The following TAFA2 variants were observed in gnomAD, a reference collection of about 807,000 sequenced individuals.
TAFA2 encodes the protein chemokine-like protein TAFA-2.
TAFA2 carries 7 observed loss-of-function variants against 18.8 expected under a neutral mutation model. The observed-to-expected ratio is 0.37, with a 90% CI of 0.21 to 0.70. TAFA2 has a LOEUF of 0.70. Among genes scored for constraint, TAFA2 ranks in the 30% least tolerant of loss-of-function variants. The pLI is 0.53. For missense variants in TAFA2, 122 were observed against 158.1 expected (o/e 0.77, Z 1.23); for synonymous variants, 60 against 54.2 (o/e 1.11, Z -0.47).
chr12:62,169,850 C>CAAAAAAA (rs11373929), intron 1 of TAFA2, among the ~76,000 whole-genome samples: 5 of 90,100 alleles, frequency 5.5e-5, no homozygotes, highest in African/African-American at 8.2e-5. Context: ...GACTCCGTCT[C>CAAAAAAA]AAAAAAAAAA....
At chr12:62,118,441 T>C (rs567251438) in intron 1 of TAFA2, among the ~76,000 whole-genome samples, 1 of 152,282 alleles carries the variant, frequency 6.6e-6, no homozygotes, top group Admixed American at 6.5e-5. Context: ...TTAACATCTT[T>C]ACACATATTT....
In TAFA2 at chr12:61,711,840, T is replaced by A. The variant is rs568950272; in HGVS notation, c.385-1423A>T. Reference sequence around the variant, plus strand: ...CCAAGGATGGAGGGTTGGAAACACATGAAGAGCCTACTGAATCTTTGAGAT... The same window carrying A: ...CCAAGGATGGAGGGTTGGAAACACAAGAAGAGCCTACTGAATCTTTGAGAT... On this transcript the variant is annotated intron_variant, in intron 4 of 4. Coordinates refer to ENST00000416284, the MANE Select transcript of TAFA2 (RefSeq NM_178539.5). Among the ~76,000 whole-genome samples the A allele has an allele frequency of 2.0e-5, 3 of 152,140 alleles. No individual in the cohort carries two copies. The South Asian group carries it at 6.2e-4, about 32-fold the overall frequency.
intron 1 of TAFA2, among the ~76,000 whole-genome samples, chr12:62,210,142 C>T (rs2062707624): frequency 6.6e-6 from 1 of 152,016 alleles, no homozygotes; most frequent in South Asian, 2.1e-4. Context: ...GCCGAGATCA[C>T]GCCACTGCTC....
intron 4 of TAFA2, among the ~76,000 whole-genome samples, chr12:61,746,912 C>G (rs980968310): frequency 4.6e-5 from 7 of 152,084 alleles, no homozygotes; most frequent in African/African-American, 1.7e-4. Context: ...AAAGAAACTA[C>G]CATCAGAGTG....
chr12:61,764,462 A>G (rs963005978), intron 2 of TAFA2, among the ~76,000 whole-genome samples: 1 of 152,138 alleles, frequency 6.6e-6, no homozygotes, highest in South Asian at 2.1e-4. Flanking sequence ...CAATGGGAGA[A>G]AGAGTGTTGA....
chr12:61,891,899 G>C (rs1480745256), intron 1 of TAFA2, among the ~76,000 whole-genome samples: 1 of 152,110 alleles, frequency 6.6e-6, no homozygotes, highest in East Asian at 1.9e-4. Flanking sequence ...CCACTGGAAA[G>C]TGAAAGTGGA....
intron 2 of TAFA2, among the ~76,000 whole-genome samples, chr12:61,840,905 TACCTGAA>T (rs1382513222): frequency 1.3e-5 from 2 of 152,112 alleles, no homozygotes; most frequent in East Asian, 3.9e-4. Flanking sequence ...ATTATAGCAG[TACCTGAA>T]ACCAAGGTAA....
At position 62,249,271 on chromosome 12, in the gene TAFA2, CTAAAAAA is replaced by C. The variant is rs1200504783; in HGVS notation, c.-130+9485_-130+9491del. Among the ~76,000 whole-genome samples the C allele has an allele frequency of 1.8e-3, 129 of 72,292 alleles. 2 individuals carry two copies. The highest frequency in any genetic ancestry group is 8.5e-3 in the African/African-American group (120 of 14,152). The allele number at this position is 72,292 out of a possible 152,430, so 47.4% of individuals were successfully genotyped here. Reference sequence around the variant, plus strand: ...AGGGACTGCTCCCTCCTTTTTTTTCCTAAAAAAAAAAAAAAAAAGGAAAAAGACCACT... The same window carrying C: ...AGGGACTGCTCCCTCCTTTTTTTTCCAAAAAAAAAAAGGAAAAAGACCACT... On this transcript the variant is annotated intron_variant, in intron 1 of 5. Coordinates refer to the TAFA2 transcript ENST00000551619.
intron 2 of TAFA2, among the ~76,000 whole-genome samples, chr12:61,824,632 T>A (rs188971550): frequency 6.6e-6 from 1 of 152,314 alleles, no homozygotes; most frequent in Non-Finnish European, 1.5e-5. Flanking sequence ...AATAAAGAAT[T>A]TATGCTAAAA....
At chr12:62,238,669 T>C (rs1435079593) in intron 1 of TAFA2, among the ~76,000 whole-genome samples, 2 of 152,242 alleles carry the variant, frequency 1.3e-5, no homozygotes, top group African/African-American at 4.8e-5. Flanking sequence ...CCACAAGATT[T>C]AGAGCAGAAA....
intron 2 of TAFA2, among the ~76,000 whole-genome samples, chr12:61,796,889 T>A (rs10877746): frequency 0.35 from 53,339 of 151,994 alleles, 9,583 homozygotes; most frequent in Non-Finnish European, 0.39. Flanking sequence ...ACTGACTGTA[T>A]AGTTTAACAT....
intron 2 of TAFA2, among the ~76,000 whole-genome samples, chr12:61,838,596 T>A (rs897301795): frequency 5.8e-4 from 88 of 152,116 alleles, no homozygotes; most frequent in African/African-American, 1.9e-3. Context: ...ATTTGGGATT[T>A]AGCCTAGGAG....
intron 1 of TAFA2, among the ~76,000 whole-genome samples, chr12:62,217,353 A>G (rs2062739905): frequency 6.6e-6 from 1 of 152,244 alleles, no homozygotes; most frequent in Admixed American, 6.5e-5. Context: ...TTCTGGATCA[A>G]ACCACTCCAT....
At chr12:61,807,265 C>T (rs1337699325) in intron 2 of TAFA2, among the ~76,000 whole-genome samples, 5 of 151,366 alleles carry the variant, frequency 3.3e-5, no homozygotes, top group Non-Finnish European at 5.9e-5. Context: ...CAATGTAAAG[C>T]TCAGGCCATG....
At chr12:62,115,753 A>G (rs1427478548) in intron 1 of TAFA2, among the ~76,000 whole-genome samples, 3 of 152,126 alleles carry the variant, frequency 2.0e-5, no homozygotes, top group African/African-American at 4.8e-5. Context: ...CGCAAACTCT[A>G]TTTATCTGCA....
chr12:62,243,075 GTTA>G (rs1458062809), intron 1 of TAFA2, among the ~76,000 whole-genome samples: 5 of 152,224 alleles, frequency 3.3e-5, no homozygotes, highest in East Asian at 1.9e-4. Flanking sequence ...TTTTAAGCCA[GTTA>G]TTTAGATTTT....
At chr12:61,830,882 C>T (rs187173851) in intron 2 of TAFA2, among the ~76,000 whole-genome samples, 24 of 151,854 alleles carry the variant, frequency 1.6e-4, no homozygotes, top group Admixed American at 6.6e-4. Flanking sequence ...TTTTTAACAG[C>T]GGGCCAAATA....
At chr12:61,845,206 C>T (rs143176898) in intron 2 of TAFA2, among the ~76,000 whole-genome samples, 6 of 152,028 alleles carry the variant, frequency 3.9e-5, no homozygotes, top group East Asian at 1.9e-4. Context: ...TAATCATGCC[C>T]GTAGCAGTTG....
Position 61,754,933 on chromosome 12 carries a change from C to T in TAFA2, c.198G>A (p.Lys66=), listed in dbSNP as rs1390055829. The T allele has an allele frequency of 1.3e-5, 21 of 1,612,880 alleles. No individual in the cohort carries two copies. The highest frequency in any genetic ancestry group is 1.8e-5 in the Non-Finnish European group (21 of 1,179,444). ...NKIEERSQTV[K]CSCFPGQVAG... ...CCACCTGCCCAGGGAAGCAGGAGCA[C>T]TTGACTGTTTGTGACCGTTCTTCTA... Residue 66 remains lysine (K), a synonymous_variant, in exon 3 of 5, where the codon AAG becomes AAA. Coordinates refer to ENST00000416284, the MANE Select transcript of TAFA2 (RefSeq NM_178539.5).
Sources: gnomAD v4.1 joint callset for allele counts (sites outside exome capture counted in the v4.1 genomes callset) on GRCh38, gnomAD v4.1.1 for gene constraint, MANE v1.5 for transcripts, NCBI Gene and HGNC (gene_info 2026-07-23, HGNC 2026-07-21) for gene names.